The following ERC2 variants were observed in gnomAD, a reference collection of about 807,000 sequenced individuals.
The protein encoded by ERC2 is ERC protein 2.
ERC2 carries 42 observed loss-of-function variants against 114.8 expected under a neutral mutation model. The observed-to-expected ratio is 0.37, with a 90% CI of 0.29 to 0.47. The LOEUF is 0.47. ERC2 is among the 20% of genes least tolerant of loss of function. ERC2 has a pLI of 0.99. For synonymous variants in ERC2, 454 were observed against 425.5 expected, an observed-to-expected ratio of 1.07 and a Z score of -0.82; for missense variants, 939 against 1,150.7, an observed-to-expected ratio of 0.82 and a Z score of 2.66.
rs1560298764 is a variant in ERC2 at position 56,170,599 on chromosome 3, T to TGTTTTGTTTTGTTTTGTTTTGTTTTG, written c.1149+2846_1149+2847insCAAAACAAAACAAAACAAAACAAAAC. Among the ~76,000 whole-genome samples the TGTTTTGTTTTGTTTTGTTTTGTTTTG allele has an allele frequency of 7.0e-4, 100 of 142,468 alleles. 1 individual carries two copies. The highest frequency in any genetic ancestry group is 2.6e-3 in the African/African-American group (98 of 37,680). The allele number at this position is 142,468 out of a possible 152,430, so 93.5% of individuals were successfully genotyped here. On this transcript the variant is annotated intron_variant, in intron 4 of 17. Coordinates refer to ENST00000288221, the MANE Select transcript of ERC2 (RefSeq NM_015576.3). ...AAATCTCTTCTGTTTTTTTTTTTTTTTTTTTTTTTTTTTTTGAGGTAGTGT... is the reference window on the plus strand; with the variant it reads ...AAATCTCTTCTGTTTTTTTTTTTTTTGTTTTGTTTTGTTTTGTTTTGTTTTGTTTTTTTTTTTTTTTGAGGTAGTGT...
At chr3:56,349,742 T>A (rs1292512833) in intron 2 of ERC2, among the ~76,000 whole-genome samples, 1 of 151,856 alleles carries the variant, frequency 6.6e-6, no homozygotes, top group Non-Finnish European at 1.5e-5. Flanking sequence ...CCATCTCTAC[T>A]AAAAATACAA....
At chr3:55,712,820 G>A (rs2063841224) in intron 15 of ERC2, among the ~76,000 whole-genome samples, 1 of 152,046 alleles carries the variant, frequency 6.6e-6, no homozygotes, top group Admixed American at 6.6e-5. Flanking sequence ...TTATCTATTT[G>A]TTGTTCTCTC....
chr3:55,926,892 C>A (rs1009812457), intron 13 of ERC2, among the ~76,000 whole-genome samples: 2 of 152,130 alleles, frequency 1.3e-5, no homozygotes, highest in African/African-American at 4.8e-5. Flanking sequence ...TCCTGGCACT[C>A]AGGAGGAGCT....
chr3:56,460,176 C>T (rs1384470073), intron 1 of ERC2, among the ~76,000 whole-genome samples: 4 of 152,210 alleles, frequency 2.6e-5, no homozygotes, highest in African/African-American at 4.8e-5. Flanking sequence ...AAAGAAGGCT[C>T]GGCCCTGGCT....
At chr3:56,034,331 A>G (rs1452023653) in intron 7 of ERC2, among the ~76,000 whole-genome samples, 1 of 152,180 alleles carries the variant, frequency 6.6e-6, no homozygotes, top group African/African-American at 2.4e-5. Flanking sequence ...ATTTAAATAT[A>G]TTAAGGAAAT....
chr3:55,756,132 G>C (rs895615785), intron 14 of ERC2, among the ~76,000 whole-genome samples: 1 of 152,064 alleles, frequency 6.6e-6, no homozygotes, highest in Non-Finnish European at 1.5e-5. Flanking sequence ...AAAGTTTGCA[G>C]CTTGCTAGAG....
chr3:55,684,741 G>A (rs1006711698), intron 16 of ERC2, among the ~76,000 whole-genome samples: 3 of 152,188 alleles, frequency 2.0e-5, no homozygotes, highest in African/African-American at 7.2e-5. Context: ...TTTGAAGACA[G>A]AAGTATATCC....
chr3:56,298,072 A>G (rs569679114), intron 2 of ERC2, among the ~76,000 whole-genome samples: 1 of 152,330 alleles, frequency 6.6e-6, no homozygotes, highest in South Asian at 2.1e-4. Flanking sequence ...TTTTAATACA[A>G]TGCTCCCCTA....
chr3:55,647,114 T>A (rs931866015), intron 17 of ERC2: 2 of 152,168 alleles, frequency 1.3e-5, no homozygotes, highest in Non-Finnish European at 2.9e-5. Flanking sequence ...AACTGTCCTC[T>A]TTGAACAAAA....
chr3:55,966,957 A>AT, intron 12 of ERC2, among the ~76,000 whole-genome samples: 1 of 152,312 alleles, frequency 6.6e-6, no homozygotes, highest in African/African-American at 2.4e-5. Flanking sequence ...TCACACACAC[A>AT]TATCCCTAAA....
intron 13 of ERC2, among the ~76,000 whole-genome samples, chr3:55,913,084 C>G (rs1355862949): frequency 6.6e-6 from 1 of 152,114 alleles, no homozygotes; most frequent in Non-Finnish European, 1.5e-5. Context: ...CTCCTGGGCT[C>G]AAGCAATCCT....
intron 15 of ERC2, among the ~76,000 whole-genome samples, chr3:55,722,419 C>G (rs7644056): frequency 2.6e-5 from 4 of 152,016 alleles, no homozygotes; most frequent in Middle Eastern, 3.2e-3. Flanking sequence ...GCTCACCCCC[C>G]ACTTGGCTGG....
chr3:55,845,419 C>A (rs370099667), intron 14 of ERC2, among the ~76,000 whole-genome samples: 2 of 146,076 alleles, frequency 1.4e-5, no homozygotes, highest in Non-Finnish European at 3.0e-5. Flanking sequence ...CAGGAGAATG[C>A]CGTGAACCCG....
At chr3:55,868,061 C>A (rs953099474) in intron 14 of ERC2, among the ~76,000 whole-genome samples, 1 of 152,186 alleles carries the variant, frequency 6.6e-6, no homozygotes, top group Non-Finnish European at 1.5e-5. Flanking sequence ...GATAGCTTAC[C>A]TCCTCCTCCT....
intron 7 of ERC2, among the ~76,000 whole-genome samples, chr3:56,046,622 C>T (rs142460121): frequency 6.6e-6 from 1 of 152,202 alleles, no homozygotes; most frequent in East Asian, 1.9e-4. Context: ...AATAATGAGA[C>T]CTGATAAATT....
At chr3:56,243,014 T>C (rs1414214191) in intron 3 of ERC2, among the ~76,000 whole-genome samples, 1 of 152,202 alleles carries the variant, frequency 6.6e-6, no homozygotes, top group African/African-American at 2.4e-5. Flanking sequence ...TTTACCCTTC[T>C]TTTTGTAAGT....
intron 2 of ERC2, among the ~76,000 whole-genome samples, chr3:56,390,512 G>C (rs1576722718): frequency 6.6e-6 from 1 of 152,134 alleles, no homozygotes; most frequent in East Asian, 1.9e-4. Flanking sequence ...CTGGGTTTAG[G>C]AGGATTCTAA....
At chr3:55,845,459 C>G (rs2061319757) in intron 14 of ERC2, among the ~76,000 whole-genome samples, 1 of 142,624 alleles carries the variant, frequency 7.0e-6, no homozygotes, top group South Asian at 2.2e-4. Flanking sequence ...AGCCGAGATC[C>G]CGCCACTGCA....
intron 17 of ERC2, among the ~76,000 whole-genome samples, chr3:55,583,334 CCTGCCTGT>C (rs1227064348): frequency 6.6e-6 from 1 of 150,480 alleles, no homozygotes; most frequent in Non-Finnish European, 1.5e-5. Flanking sequence ...TGGAAGCTTG[CCTGCCTGT>C]CTGCCTGCCT....
Sources: gnomAD v4.1 joint callset for allele counts (sites outside exome capture counted in the v4.1 genomes callset) on GRCh38, gnomAD v4.1.1 for gene constraint, MANE v1.5 for transcripts, NCBI Gene and HGNC (gene_info 2026-07-23, HGNC 2026-07-21) for gene names.